The following EDA2R variants were observed in gnomAD, a reference collection of about 807,000 sequenced individuals.
The protein encoded by EDA2R is tumor necrosis factor receptor superfamily member 27.
Under a neutral mutation model 20.1 loss-of-function variants are expected in EDA2R, and 26 were observed. The observed-to-expected ratio is 1.30, with a 90% CI of 0.95 to 1.80. The LOEUF (loss-of-function observed/expected upper bound fraction) is 1.80, where lower values mean the gene tolerates loss of function less well. EDA2R is among the 40% of genes most tolerant of loss of function. The pLI, the probability that EDA2R is intolerant of heterozygous loss-of-function variation, is 0.00. For missense variants in EDA2R, 277 were observed against 228.7 expected (o/e 1.21, Z -1.36); for synonymous variants, 114 against 88.7 (o/e 1.29, Z -1.60).
intron 2 of EDA2R, among the ~76,000 whole-genome samples, chrX:66,612,364 T>C (rs1379384400): frequency 8.9e-6 from 1 of 112,051 alleles, no homozygotes; most frequent in African/African-American, 3.2e-5. Context: ...ACAAAAATTA[T>C]ATCTGATATT....
At chrX:66,623,185 TCA>T (rs1373293570) in intron 1 of EDA2R, among the ~76,000 whole-genome samples, 1 of 112,285 alleles carries the variant, frequency 8.9e-6, no homozygotes, top group Non-Finnish European at 1.9e-5. Context: ...ATGTTGAAAA[TCA>T]CAGTTTTAAG....
intron 1 of EDA2R, among the ~76,000 whole-genome samples, chrX:66,620,813 A>T (rs1257925992): frequency 9.1e-6 from 1 of 109,866 alleles, no homozygotes; most frequent in Non-Finnish European, 1.9e-5. Flanking sequence ...TCAAAAAAAG[A>T]TAGATAATTT....
chrX:66,624,793 C>T (rs1446296147), intron 1 of EDA2R, among the ~76,000 whole-genome samples: 1 of 111,651 alleles, frequency 9.0e-6, no homozygotes, highest in Non-Finnish European at 1.9e-5. Flanking sequence ...ACTGCTCCTG[C>T]AGGACCCAGG....
At chrX:66,602,567 T>A (rs1247706720) in intron 5 of EDA2R, 66 bp downstream of exon 5, 1 of 1,084,048 alleles carries the variant, frequency 9.2e-7, no homozygotes, top group Non-Finnish European at 1.2e-6. Context: ...CCCCAGAACA[T>A]CCCTCTCTTC....
chrX:66,631,222 G>C (rs954491567), intron 1 of EDA2R, among the ~76,000 whole-genome samples: 3 of 110,610 alleles, frequency 2.7e-5, no homozygotes, highest in Non-Finnish European at 3.8e-5. Flanking sequence ...GGCAGTGAAG[G>C]GGGGCGAGGG....
At chrX:66,612,458 T>C (rs1930931030) in intron 2 of EDA2R, among the ~76,000 whole-genome samples, 2 of 109,026 alleles carry the variant, frequency 1.8e-5, no homozygotes, top group African/African-American at 3.3e-5. Context: ...AATGGCAAAA[T>C]GTTGATACCA....
intron 2 of EDA2R, among the ~76,000 whole-genome samples, chrX:66,610,002 G>A (rs992802810): frequency 1.4e-4 from 16 of 110,997 alleles, no homozygotes; most frequent in Non-Finnish European, 2.8e-4. Context: ...GCAACACGAA[G>A]TCCAGAAGCA....
chrX:66,630,873 A>G (rs1347937040), intron 1 of EDA2R, among the ~76,000 whole-genome samples: 2 of 109,620 alleles, frequency 1.8e-5, no homozygotes, highest in African/African-American at 6.6e-5. Flanking sequence ...ATATATATAC[A>G]CACACGTATG....
At chrX:66,603,700 G>A (rs1331489287) in intron 4 of EDA2R, among the ~76,000 whole-genome samples, 1 of 112,246 alleles carries the variant, frequency 8.9e-6, no homozygotes, top group Non-Finnish European at 1.9e-5. Context: ...GATAGTGGTT[G>A]TATCTGAGGA....
At position 66,599,586 on chromosome X, in the gene EDA2R, G is replaced by A. The variant is rs780815139; in HGVS notation, c.792C>T (p.Ser264=). The change falls in exon 6 of 7, where the codon AGC becomes AGT. Residue 264 remains serine, a synonymous_variant. Transcript: ENST00000374719. ...CTELDLQKFS[S]SASYTGAETL... is the part of the protein sequence containing the mutation. Reference sequence around the variant, plus strand: ...TCTCAGCTCCAGTATAGGAGGCAGAGCTGGAAAACTTTTGCAGGTCCAGCT... The same window carrying A: ...TCTCAGCTCCAGTATAGGAGGCAGAACTGGAAAACTTTTGCAGGTCCAGCT... 4.2e-6 allele frequency: 5 copies of A among 1,195,385 alleles called. No individual in the cohort carries two copies. Among genetic ancestry groups the A allele is most frequent in the Non-Finnish European group, 5.6e-6 (5 of 887,636 alleles).
rs146403451 is a variant in EDA2R at position 66,602,772 on chromosome X, C to T, written c.378G>A (p.Glu126=). ...VQCAFQLSLV[E]ADTPTVPPQE... ...GAGGGGGCACTGTGGGTGTATCTGC[C>T]TCCACTAAGCTCAACTGGAAGGCAC... The change falls in exon 5 of 7, where the codon GAG becomes GAA. Residue 126 remains glutamate, a synonymous_variant. Coordinates refer to ENST00000374719, the MANE Select transcript of EDA2R (RefSeq NM_021783.5). 1.1e-4 allele frequency: 134 copies of T among 1,187,960 alleles called. No homozygotes were observed. In the African/African-American group the frequency reaches 2.2e-3, roughly 19 times the overall value.
intron 1 of EDA2R, among the ~76,000 whole-genome samples, chrX:66,632,617 A>T: frequency 1.8e-5 from 2 of 110,773 alleles, no homozygotes; most frequent in Admixed American, 9.6e-5. Context: ...AGAAAAAAAA[A>T]AAAAAGAACC....
intron 4 of EDA2R, among the ~76,000 whole-genome samples, chrX:66,603,977 G>T (rs1310415830): frequency 8.9e-6 from 1 of 112,100 alleles, no homozygotes; most frequent in Non-Finnish European, 1.9e-5. Context: ...AAAAAAGATA[G>T]ACGATTAGAT....
intron 1 of EDA2R, among the ~76,000 whole-genome samples, chrX:66,634,396 T>C (rs1934134578): frequency 9.0e-6 from 1 of 111,384 alleles, no homozygotes; most frequent in African/African-American, 3.3e-5. Flanking sequence ...TTAATCTTAG[T>C]CCCAGTGGCC....
chrX:66,638,098 T>C (rs1457467753), intron 1 of EDA2R, among the ~76,000 whole-genome samples: 2 of 112,432 alleles, frequency 1.8e-5, no homozygotes, highest in African/African-American at 3.2e-5. Context: ...GTTATATTAA[T>C]ATTTATCCGT....
chrX:66,604,984 G>A (rs1929385997), intron 3 of EDA2R, 64 bp downstream of exon 3: 1 of 987,041 alleles, frequency 1.0e-6, no homozygotes, highest in African/African-American at 1.9e-5. Context: ...GAGAGGTGAG[G>A]ATGGGAGAAA....
chrX:66,605,031 T>C lies in EDA2R; in HGVS notation c.266+17A>G, dbSNP rs777660739. On this transcript the variant is annotated intron_variant, in intron 3 of 6. Transcript: ENST00000374719. ...TAGAAAAGCCCAGACAAGCTTGGTC[T>C]CATAAAGCAAGCTCACCTGGGCAAA... The C allele has an allele frequency of 1.4e-5, 16 of 1,182,908 alleles. No individual in the cohort carries two copies. The African/African-American group carries it at 2.6e-4, about 19-fold the overall frequency.
rs1017175604 is a variant in EDA2R at position 66,616,037 on chromosome X, G to A, written c.-10-7C>T. ...GCAATCCATGGTGGGAAGGCTGTGG[G>A]TAGAGAACACAAGAACTAGCAAGCT... On this transcript the variant is annotated splice_region_variant and splice_polypyrimidine_tract_variant and intron_variant, in intron 1 of 6. Coordinates refer to ENST00000374719, the MANE Select transcript of EDA2R (RefSeq NM_021783.5). 1.7e-6 allele frequency: 2 copies of A among 1,164,204 alleles called. No individual in the cohort carries two copies. Among genetic ancestry groups the A allele is most frequent in the Non-Finnish European group, 2.3e-6 (2 of 853,328 alleles).
intron 1 of EDA2R, among the ~76,000 whole-genome samples, chrX:66,629,719 T>C (rs1569256731): frequency 1.8e-5 from 2 of 111,840 alleles, no homozygotes; most frequent in African/African-American, 6.5e-5. Context: ...AAACATCCCA[T>C]GCTCATGGAT....
Sources: allele counts gnomAD v4.1 joint callset (sites outside exome capture counted in the v4.1 genomes callset), GRCh38; gene constraint gnomAD v4.1.1; transcripts MANE v1.5; gene names NCBI Gene and HGNC (gene_info 2026-07-23, HGNC 2026-07-21).